SAMD13: variants seen among roughly 807,000 people sequenced by gnomAD.
SAMD13 encodes sterile alpha motif domain-containing protein 13.
Under a neutral mutation model 12.4 loss-of-function variants are expected in SAMD13, and 9 were observed. That is an observed-to-expected ratio of 0.72 (90% CI 0.44 to 1.26). The LOEUF is 1.26. Among genes scored for constraint, SAMD13 ranks in the 50% most tolerant of loss-of-function variants. The pLI is 0.00. For missense variants in SAMD13, 84 were observed against 119.6 expected (o/e 0.70, Z 1.39); for synonymous variants, 46 against 45.4 (o/e 1.01, Z -0.05).
chr1:84,340,544 G>A (rs1478817608), intron 3 of SAMD13, among the ~76,000 whole-genome samples: 2 of 152,082 alleles, frequency 1.3e-5, no homozygotes, highest in African/African-American at 2.4e-5. Flanking sequence ...ACTTAAAAAT[G>A]GTCAAAATGG....
chr1:84,300,208 C>A (rs1678424081), upstream of SAMD13, among the ~76,000 whole-genome samples: 1 of 152,184 alleles, frequency 6.6e-6, no homozygotes, highest in Non-Finnish European at 1.5e-5. Flanking sequence ...ATTTTGAGAT[C>A]AGCACTGGTG....
chr1:84,302,902 A>C (rs1678483164), intron 1 of SAMD13: 1 of 248,928 alleles, frequency 4.0e-6, no homozygotes, highest in Non-Finnish European at 7.9e-6. Context: ...AGAGCTAGGC[A>C]CCCAGAAGAA....
At chr1:84,305,010 T>C (rs917011908) in intron 2 of SAMD13, among the ~76,000 whole-genome samples, 2 of 152,168 alleles carry the variant, frequency 1.3e-5, no homozygotes, top group Admixed American at 6.5e-5. Context: ...TGTGGACATA[T>C]GCTTTCATTT....
rs1679615406 is a variant in SAMD13, at chr1:84,350,023, G to A, written c.*249G>A. The A allele has an allele frequency of 3.7e-6, 2 of 541,852 alleles. No individual in the cohort carries two copies. Among genetic ancestry groups the A allele is most frequent in the Non-Finnish European group, 2.7e-6 (1 of 372,938 alleles). The allele number at this position is 541,852 out of a possible 1,614,324, so 33.6% of individuals were successfully genotyped here. ...TTGTCAAATAGATGATCTTTGACAC[G>A]ATTAGACACTCCTCCCCACAAAGGC... is the stretch of plus-strand genomic sequence containing the variant. On this transcript the variant is annotated 3_prime_UTR_variant, in exon 4 of 4. Coordinates refer to ENST00000394834, the MANE Select transcript of SAMD13 (RefSeq NM_001134663.2).
chr1:84,314,405 A>T (rs79733819), intron 2 of SAMD13, among the ~76,000 whole-genome samples: 3,285 of 152,318 alleles, frequency 0.022, 107 homozygotes, highest in African/African-American at 0.064. Flanking sequence ...CACTGACTTC[A>T]GCATTTGTTT....
At chr1:84,302,490 G>A (rs998828736) in intron 1 of SAMD13, among the ~76,000 whole-genome samples, 1 of 150,834 alleles carries the variant, frequency 6.6e-6, no homozygotes, top group South Asian at 2.1e-4. Flanking sequence ...CTCCTTAAAT[G>A]TTTTGATGAT....
intron 2 of SAMD13, among the ~76,000 whole-genome samples, chr1:84,317,920 G>A (rs1403929977): frequency 6.6e-6 from 1 of 152,044 alleles, no homozygotes; most frequent in African/African-American, 2.4e-5. Context: ...AGTCTGGTGG[G>A]TTGTATGCTT....
At chr1:84,302,574 A>C (rs1313329589) in intron 1 of SAMD13, 1 of 624,892 alleles carries the variant, frequency 1.6e-6, no homozygotes, top group Non-Finnish European at 2.0e-6. Context: ...ACACACACAC[A>C]CACCAGCACC....
At chr1:84,306,123 T>A (rs537890324) in intron 2 of SAMD13, among the ~76,000 whole-genome samples, 1 of 152,198 alleles carries the variant, frequency 6.6e-6, no homozygotes, top group Non-Finnish European at 1.5e-5. Context: ...AGTATTTTTC[T>A]CCATTTGCTT....
intron 2 of SAMD13, among the ~76,000 whole-genome samples, chr1:84,325,298 G>A (rs144505108): frequency 5.3e-5 from 8 of 152,200 alleles, no homozygotes; most frequent in African/African-American, 1.9e-4. Context: ...TAGATGTGTG[G>A]GGATGGGGCT....
intron 3 of SAMD13, among the ~76,000 whole-genome samples, chr1:84,328,266 A>G (rs952827497): frequency 6.6e-6 from 1 of 152,218 alleles, no homozygotes; most frequent in African/African-American, 2.4e-5. Context: ...CCCAATGGAC[A>G]CTGGGAACCA....
chr1:84,332,889 T>C (rs1251050096), intron 3 of SAMD13, among the ~76,000 whole-genome samples: 1 of 152,192 alleles, frequency 6.6e-6, no homozygotes, highest in Non-Finnish European at 1.5e-5. Context: ...CTAAACTATC[T>C]TGAATTGATT....
intron 3 of SAMD13, among the ~76,000 whole-genome samples, chr1:84,337,417 G>A (rs1336967167): frequency 6.6e-6 from 1 of 152,178 alleles, no homozygotes; most frequent in Non-Finnish European, 1.5e-5. Context: ...GCACTCGCAG[G>A]TTCAACACCA....
At chr1:84,307,057 T>C (rs955553118) in intron 2 of SAMD13, among the ~76,000 whole-genome samples, 2 of 152,088 alleles carry the variant, frequency 1.3e-5, no homozygotes, top group Non-Finnish European at 2.9e-5. Context: ...TGTGTTTGTT[T>C]GGTTTCTAAG....
At chr1:84,326,245 T>C (rs1409847663) in intron 3 of SAMD13, among the ~76,000 whole-genome samples, 1 of 152,174 alleles carries the variant, frequency 6.6e-6, no homozygotes, top group African/African-American at 2.4e-5. Context: ...TCCTGGTTCT[T>C]CTATCTCTAT....
chr1:84,309,281 G>A (rs768292271), intron 2 of SAMD13, among the ~76,000 whole-genome samples: 21 of 152,146 alleles, frequency 1.4e-4, no homozygotes, highest in East Asian at 3.8e-4. Flanking sequence ...ACTGGAATGA[G>A]TTTGGTTTTA....
At chr1:84,298,616 TC>T, upstream of SAMD13, 1 of 1,274,262 alleles carries the variant, frequency 7.8e-7, no homozygotes, top group Non-Finnish European at 1.0e-6. Flanking sequence ...GCCCGCCCTC[TC>T]CTCTCTCCAG....
Position 84,349,948 on chromosome 1 carries a change from C to A in SAMD13, c.*174C>A, listed in dbSNP as rs927013414. The A allele has an allele frequency of 6.8e-6, 9 of 1,325,738 alleles. No individual in the cohort carries two copies. In the Admixed American group the frequency reaches 2.9e-4, roughly 43 times the overall value. 82.1% of individuals were successfully genotyped at this position (1,325,738 alleles called of 1,614,324 possible). A position where few individuals can be genotyped will look rare whatever the true frequency, so the allele number is the denominator to read the frequency against. ...AATTCATCAGCTCACCTGAAATCAG[C>A]CAGGAGGAGCAAGGACAAGATGCGC... is the stretch of plus-strand genomic sequence containing the variant. On this transcript the variant is annotated 3_prime_UTR_variant, in exon 4 of 4. Transcript: ENST00000394834.
At chr1:84,307,056 T>C (rs1029773628) in intron 2 of SAMD13, among the ~76,000 whole-genome samples, 2 of 152,074 alleles carry the variant, frequency 1.3e-5, no homozygotes, top group Non-Finnish European at 2.9e-5. Context: ...TTGTGTTTGT[T>C]TGGTTTCTAA....
Sources: gnomAD v4.1 joint callset for allele counts (sites outside exome capture counted in the v4.1 genomes callset) on GRCh38, gnomAD v4.1.1 for gene constraint, MANE v1.5 for transcripts, NCBI Gene and HGNC (gene_info 2026-07-23, HGNC 2026-07-21) for gene names.